PRKD1: variants seen among roughly 807,000 people sequenced by gnomAD.
PRKD1 encodes serine/threonine-protein kinase D1.
In PRKD1, 63 loss-of-function variants were observed where a neutral mutation model predicts 95.9. The ratio of observed to expected loss-of-function variants is 0.66; its 90% CI spans 0.54 to 0.81. The LOEUF (loss-of-function observed/expected upper bound fraction) is 0.81. Ranked by LOEUF, PRKD1 falls within the 30% of genes least tolerant of loss-of-function variation. The pLI is 0.00. For synonymous variants in PRKD1, 425 were observed against 423.1 expected (o/e 1.00, Z -0.05); for missense variants, 1,048 against 1,165.3 (o/e 0.90, Z 1.47).
At chr14:29,625,537 C>T (rs548534981) in intron 12 of PRKD1, among the ~76,000 whole-genome samples, 2 of 152,228 alleles carry the variant, frequency 1.3e-5, no homozygotes, top group South Asian at 4.1e-4. Context: ...GATCTATCTA[C>T]CATAATTTTT....
At chr14:29,600,670 G>A (rs930984664) in intron 13 of PRKD1, among the ~76,000 whole-genome samples, 35 of 152,220 alleles carry the variant, frequency 2.3e-4, no homozygotes, top group African/African-American at 7.2e-4. Context: ...TATGTGGTGC[G>A]GTGGTTCTGG....
At chr14:29,804,279 TAAC>T (rs1323290357) in intron 1 of PRKD1, among the ~76,000 whole-genome samples, 7 of 151,370 alleles carry the variant, frequency 4.6e-5, no homozygotes, top group African/African-American at 1.7e-4. Flanking sequence ...GAGAACAATC[TAAC>T]AACATTGTTA....
rs942367988 is a variant in PRKD1 at position 29,791,865 on chromosome 14, T to C, written c.265-66191A>G. On this transcript the variant is annotated intron_variant, in intron 1 of 17. Transcript: ENST00000331968. ...AGTAAGTACATACTCAGGATTGGAA[T>C]AGCTGGAATATATGACAGGTATTTG... Among the ~76,000 whole-genome samples the C allele has an allele frequency of 3.3e-5, 5 of 152,136 alleles. No homozygotes were observed. In the East Asian group the frequency reaches 5.8e-4, roughly 18 times the overall value.
chr14:29,663,614 C>T (rs543239650), intron 4 of PRKD1, 85 bp downstream of exon 4: 329 of 1,467,922 alleles, frequency 2.2e-4, no homozygotes, highest in Non-Finnish European at 2.7e-4. Flanking sequence ...TCCCTCCTAG[C>T]GCCCTGTCTT....
chr14:29,842,563 T>C (rs536573308), intron 1 of PRKD1, among the ~76,000 whole-genome samples: 2 of 152,352 alleles, frequency 1.3e-5, no homozygotes, highest in African/African-American at 4.8e-5. Context: ...CCTATTCCCA[T>C]TGAGAATTTG....
intron 10 of PRKD1, among the ~76,000 whole-genome samples, chr14:29,629,929 G>C (rs1409992957): frequency 6.6e-6 from 1 of 151,868 alleles, no homozygotes; most frequent in African/African-American, 2.4e-5. Flanking sequence ...AAGCTGGCTA[G>C]ATTTCTTCTT....
At chr14:29,694,943 G>T (rs983622601) in intron 2 of PRKD1, among the ~76,000 whole-genome samples, 1 of 152,040 alleles carries the variant, frequency 6.6e-6, no homozygotes, top group African/African-American at 2.4e-5. Flanking sequence ...GTCTTAAAAG[G>T]ACAGCCGGGC....
chr14:29,728,484 C>G (rs934923769), intron 1 of PRKD1, among the ~76,000 whole-genome samples: 2 of 152,122 alleles, frequency 1.3e-5, no homozygotes, highest in African/African-American at 4.8e-5. Context: ...CCCTAGTTTA[C>G]CTTGTCTGAC....
chr14:29,763,125 T>TAAAAAA (rs36087571), intron 1 of PRKD1, among the ~76,000 whole-genome samples: 3 of 64,742 alleles, frequency 4.6e-5, no homozygotes, highest in East Asian at 4.4e-4. Flanking sequence ...TCTCTAAAAT[T>TAAAAAA]AAAAAAAAAA....
chr14:29,920,587 T>TACACACACAC (rs5807556), intron 1 of PRKD1, among the ~76,000 whole-genome samples: 3,169 of 141,324 alleles, frequency 0.022, 109 homozygotes, highest in African/African-American at 0.077. Flanking sequence ...TCCAGTCTAA[T>TACACACACAC]ACACACACAC....
At chr14:29,644,124 A>C (rs2139154475) in intron 4 of PRKD1, among the ~76,000 whole-genome samples, 1 of 152,356 alleles carries the variant, frequency 6.6e-6, no homozygotes, top group East Asian at 1.9e-4. Flanking sequence ...AGACGTTTCA[A>C]TAGAAATATT....
intron 4 of PRKD1, among the ~76,000 whole-genome samples, chr14:29,644,844 AAT>A (rs1881023682): frequency 6.6e-6 from 1 of 151,740 alleles, no homozygotes; most frequent in Admixed American, 6.6e-5. Flanking sequence ...ACTTTACATA[AAT>A]ATCATTTATT....
chr14:29,807,825 A>C (rs1343496833), intron 1 of PRKD1, among the ~76,000 whole-genome samples: 1 of 149,766 alleles, frequency 6.7e-6, no homozygotes, highest in Non-Finnish European at 1.5e-5. Context: ...GGGTTCAAGC[A>C]ATTCTCATGC....
chr14:29,852,082 C>T (rs7146183), intron 1 of PRKD1, among the ~76,000 whole-genome samples: 3,722 of 151,894 alleles, frequency 0.025, 146 homozygotes, highest in African/African-American at 0.084. Flanking sequence ...GACTACAAGG[C>T]GGGAAATGAT....
At chr14:29,824,430 A>G (rs564142557) in intron 1 of PRKD1, among the ~76,000 whole-genome samples, 51 of 152,078 alleles carry the variant, frequency 3.4e-4, no homozygotes, top group Admixed American at 5.9e-4. Context: ...GGAAACCCCA[A>G]CCACCACTTT....
chr14:29,783,286 A>T (rs1334918783), intron 1 of PRKD1, among the ~76,000 whole-genome samples: 2 of 152,192 alleles, frequency 1.3e-5, no homozygotes, highest in African/African-American at 2.4e-5. Context: ...TTCACTTAAC[A>T]TAATGACCTC....
intron 4 of PRKD1, chr14:29,656,637 A>C: frequency 1.0e-6 from 1 of 979,736 alleles, no homozygotes; most frequent in Non-Finnish European, 1.5e-6. Context: ...TTTCAAAAAA[A>C]AGCAAAATGT....
At chr14:29,812,019 A>C (rs762123141) in intron 1 of PRKD1, 2 of 152,136 alleles carry the variant, frequency 1.3e-5, no homozygotes, top group Non-Finnish European at 2.9e-5. Flanking sequence ...TCATATTTTT[A>C]TTTCATATAA....
intron 1 of PRKD1, among the ~76,000 whole-genome samples, chr14:29,898,435 A>G (rs1265957742): frequency 6.6e-6 from 1 of 152,158 alleles, no homozygotes; most frequent in Non-Finnish European, 1.5e-5. Context: ...ATGTACATCA[A>G]CAGGTCCGTA....
Sources: allele counts gnomAD v4.1 joint callset (sites outside exome capture counted in the v4.1 genomes callset), GRCh38; gene constraint gnomAD v4.1.1; transcripts MANE v1.5; gene names NCBI Gene and HGNC (gene_info 2026-07-23, HGNC 2026-07-21).